Variants in PMAIP1 observed in about 807,000 individuals in gnomAD.
PMAIP1 encodes the protein phorbol-12-myristate-13-acetate-induced protein 1.
In PMAIP1, 3 loss-of-function variants were observed where a neutral mutation model predicts 3.7. The observed-to-expected ratio is 0.82, with a 90% CI of 0.37 to 2.12. The LOEUF is 2.12. PMAIP1 is among the 30% of genes most tolerant of loss of function. The pLI is 0.06. For synonymous variants in PMAIP1, 29 were observed against 26.2 expected, an observed-to-expected ratio of 1.11 and a Z score of -0.32; for missense variants, 77 against 67.1, an observed-to-expected ratio of 1.15 and a Z score of -0.52.
chr18:59,901,327 G>A (rs2143560635), intron 1 of PMAIP1, among the ~76,000 whole-genome samples: 1 of 152,326 alleles, frequency 6.6e-6, no homozygotes, highest in South Asian at 2.1e-4. Context: ...TTGGTGAAAG[G>A]GATAACTTTT....
chr18:59,901,041 T>G (rs1214889221), intron 1 of PMAIP1, among the ~76,000 whole-genome samples: 1 of 152,140 alleles, frequency 6.6e-6, no homozygotes, highest in Non-Finnish European at 1.5e-5. Context: ...CATGCCTAAG[T>G]TGGTAACAGG....
chr18:59,901,406 A>C (rs980106355), intron 1 of PMAIP1, among the ~76,000 whole-genome samples: 1 of 152,176 alleles, frequency 6.6e-6, no homozygotes, highest in Non-Finnish European at 1.5e-5. Context: ...AGAACTGTAT[A>C]TTAATATATC....
At position 59,902,908 on chromosome 18, in the gene PMAIP1, G is replaced by A. The variant is rs1338496924; in HGVS notation, c.*155G>A. On this transcript the variant is annotated 3_prime_UTR_variant, in exon 2 of 2. Transcript: ENST00000316660. ...GAAACGGAAGATGGAATACATCAAA[G>A]TGAATTTCTGTTCAAGTTTTCCCAG... 3 of 1,209,700 alleles carry A rather than the reference G, an allele frequency of 2.5e-6. No individual in the cohort carries two copies. Among genetic ancestry groups the A allele is most frequent in the Admixed American group, 4.1e-5 (2 of 48,358 alleles). The allele number at this position is 1,209,700 out of a possible 1,614,324, so 74.9% of individuals were successfully genotyped here.
chr18:59,902,813 T>A lies in PMAIP1; in HGVS notation c.*60T>A. ...AAAGAGTTTTCTCAGGAGGTGCACG[T>A]TTCATCAATTTGAAGAAAGACTGCA... On this transcript the variant is annotated 3_prime_UTR_variant, in exon 2 of 2. Coordinates refer to ENST00000316660, the MANE Select transcript of PMAIP1 (RefSeq NM_021127.3). 6.2e-7 allele frequency: 1 copy of A among 1,612,068 alleles called. No individual in the cohort carries two copies. The highest frequency in any genetic ancestry group is 8.5e-7 in the Non-Finnish European group (1 of 1,178,848).
chr18:59,902,701 T>G lies in PMAIP1; in HGVS notation c.113T>G (p.Phe38Cys), dbSNP rs2143563516. Residue 38 changes from phenylalanine (F) to cysteine (C), a missense_variant, in exon 2 of 2, where the codon TTC becomes TGC. By Grantham distance (205) the Phe-to-Cys change is radical (BLOSUM62 -2). Transcript: ENST00000316660. ...QLRRFGDKLN[F>C]RQKLLNLISK... The stretch of plus-strand genomic sequence containing the variant: ...AGGAGATTTGGAGACAAACTGAACT[T>G]CCGGCAGAAACTTCTGAATCTGATA... The G allele has an allele frequency of 1.9e-6, 3 of 1,614,192 alleles. No homozygotes were observed. The highest frequency in any genetic ancestry group is 2.5e-6 in the Non-Finnish European group (3 of 1,180,020).
At chr18:59,900,789 C>A in intron 1 of PMAIP1, 1 of 564,676 alleles carries the variant, frequency 1.8e-6, no homozygotes, top group Non-Finnish European at 3.1e-6. Context: ...TTTTTTCATT[C>A]ATTCATTCGC....
intron 1 of PMAIP1, chr18:59,900,674 GC>G: frequency 7.6e-7 from 1 of 1,307,966 alleles, no homozygotes; most frequent in Non-Finnish European, 1.0e-6. Context: ...TCCAGAGACG[GC>G]CCCACAAGGG....
In PMAIP1 at chr18:59,900,634, G is replaced by T. The variant is rs895918212; in HGVS notation, c.58+399G>T. On this transcript the variant is annotated intron_variant, in intron 1 of 1. Transcript: ENST00000316660. The stretch of plus-strand genomic sequence containing the variant: ...GTCGCGGCAGAAGGGGCAGGAGAGA[G>T]CCCCGGGGACCGCCTGGACTCCCAG... 30 of 1,535,458 alleles carry T rather than the reference G, an allele frequency of 2.0e-5. No homozygotes were observed. The Admixed American group carries it at 2.2e-4, about 11-fold the overall frequency.
At chr18:59,901,066 G>A (rs1355076956) in intron 1 of PMAIP1, among the ~76,000 whole-genome samples, 1 of 152,132 alleles carries the variant, frequency 6.6e-6, no homozygotes, top group Admixed American at 6.5e-5. Flanking sequence ...TGTCTCTGGC[G>A]CTTGTGTGGG....
At chr18:59,901,141 A>T (rs1430527565) in intron 1 of PMAIP1, among the ~76,000 whole-genome samples, 1 of 152,172 alleles carries the variant, frequency 6.6e-6, no homozygotes, top group Non-Finnish European at 1.5e-5. Context: ...TTTCTGAAGG[A>T]TCTTACTTAT....
intron 1 of PMAIP1, 140 bp downstream of exon 1, chr18:59,900,375 C>T (rs2055752908): frequency 6.5e-7 from 1 of 1,544,570 alleles, no homozygotes; most frequent in Admixed American, 2.0e-5. Context: ...GGTCTGTGCC[C>T]TGGCGCGAGC....
chr18:59,901,989 G>T (rs1182708793), intron 1 of PMAIP1, among the ~76,000 whole-genome samples: 1 of 152,086 alleles, frequency 6.6e-6, no homozygotes. Flanking sequence ...GGAAGAAGTG[G>T]GTTTACATTA....
At chr18:59,900,594 T>TA in intron 1 of PMAIP1, 1 of 1,549,706 alleles carries the variant, frequency 6.5e-7, no homozygotes, top group Non-Finnish European at 8.7e-7. Flanking sequence ...CGGCTGTCTC[T>TA]AGGAGAAAGT....
rs1054046994 is a variant in PMAIP1 at position 59,900,030 on chromosome 18, A to G, written c.-148A>G. ...CGGGCACTCACCGTGTGTAGTTGGC[A>G]TCTCCGCGCGTCCGGACACCCGATC... On this transcript the variant is annotated 5_prime_UTR_variant, in exon 1 of 2. Coordinates refer to ENST00000316660, the MANE Select transcript of PMAIP1 (RefSeq NM_021127.3). The G allele has an allele frequency of 2.0e-5, 15 of 739,160 alleles. No individual in the cohort carries two copies. Among genetic ancestry groups the G allele is most frequent in the Non-Finnish European group, 3.1e-5 (15 of 483,742 alleles). The allele number at this position is 739,160 out of a possible 1,614,324, so 45.8% of individuals were successfully genotyped here.
Position 59,900,064 on chromosome 18 carries a change from C to T in PMAIP1, c.-114C>T. The stretch of plus-strand genomic sequence containing the variant: ...CGTCCGGACACCCGATCCCAGCATC[C>T]CTGCCTGCAGGACTGTTCGTGTTCA... On this transcript the variant is annotated 5_prime_UTR_variant, in exon 1 of 2. Transcript: ENST00000316660. 2 of 1,148,374 alleles carry T rather than the reference C, an allele frequency of 1.7e-6. No individual in the cohort carries two copies. 71.1% of individuals were successfully genotyped at this position (1,148,374 alleles called of 1,614,324 possible).
chr18:59,903,742 A>G lies in PMAIP1; in HGVS notation c.*989A>G, dbSNP rs1365999056. On this transcript the variant is annotated 3_prime_UTR_variant, in exon 2 of 2. Coordinates refer to ENST00000316660, the MANE Select transcript of PMAIP1 (RefSeq NM_021127.3). ...CATAATTGGAATATACTTTTCTTAA[A>G]AAAAAGGAACAGTTAGTTCTCATCT... 6.6e-6 allele frequency: 1 copy of G among 152,184 alleles called. No individual in the cohort carries two copies. Among genetic ancestry groups the G allele is most frequent in the East Asian group, 1.9e-4 (1 of 5,196 alleles). 9.4% of individuals were successfully genotyped at this position (152,184 alleles called of 1,614,324 possible). A position where few individuals can be genotyped will look rare whatever the true frequency, so the allele number is the denominator to read the frequency against.
Position 59,903,725 on chromosome 18 carries a change from G to T in PMAIP1, c.*972G>T, listed in dbSNP as rs1228113331. 6.6e-6 allele frequency: 1 copy of T among 151,874 alleles called. No individual in the cohort carries two copies. The highest frequency in any genetic ancestry group is 1.5e-5 in the Non-Finnish European group (1 of 67,988). 9.4% of individuals were successfully genotyped at this position (151,874 alleles called of 1,614,324 possible). A position where few individuals can be genotyped will look rare whatever the true frequency, so the allele number is the denominator to read the frequency against. ...TAAATTAAGAATATTTTCATAATTG[G>T]AATATACTTTTCTTAAAAAAAAGGA... is the stretch of plus-strand genomic sequence containing the variant. On this transcript the variant is annotated 3_prime_UTR_variant, in exon 2 of 2. Coordinates refer to ENST00000316660, the MANE Select transcript of PMAIP1 (RefSeq NM_021127.3).
intron 1 of PMAIP1, chr18:59,900,819 A>T: frequency 2.1e-6 from 1 of 476,918 alleles, no homozygotes; most frequent in Non-Finnish European, 3.7e-6. Context: ...CCCGATACAT[A>T]CAGCTCCATC....
chr18:59,900,042 C>T lies in PMAIP1; in HGVS notation c.-136C>T. On this transcript the variant is annotated 5_prime_UTR_variant, in exon 1 of 2. Transcript: ENST00000316660. ...GTGTGTAGTTGGCATCTCCGCGCGT[C>T]CGGACACCCGATCCCAGCATCCCTG... 1 of 889,736 alleles carries T rather than the reference C, an allele frequency of 1.1e-6. No homozygotes were observed. The highest frequency in any genetic ancestry group is 1.6e-6 in the Non-Finnish European group (1 of 618,024). 55.1% of individuals were successfully genotyped at this position (889,736 alleles called of 1,614,324 possible).
Sources: gnomAD v4.1 joint callset for allele counts (sites outside exome capture counted in the v4.1 genomes callset) on GRCh38, gnomAD v4.1.1 for gene constraint, MANE v1.5 for transcripts, NCBI Gene and HGNC (gene_info 2026-07-23, HGNC 2026-07-21) for gene names.